KDM6A: variants seen among roughly 807,000 people sequenced by gnomAD.
KDM6A encodes lysine-specific demethylase 6A.
In KDM6A, 11 loss-of-function variants were observed where a neutral mutation model predicts 117.6. That is an observed-to-expected ratio of 0.09 (90% CI 0.06 to 0.15). The LOEUF is 0.15. Among genes scored for constraint, KDM6A ranks in the 10% least tolerant of loss-of-function variants. The pLI is 1.00. For missense variants in KDM6A, 799 were observed against 1,077.3 expected (o/e 0.74, Z 3.62); for synonymous variants, 384 against 396.1 (o/e 0.97, Z 0.36).
chrX:44,881,934 C>T (rs1006574184), intron 2 of KDM6A, among the ~76,000 whole-genome samples: 2 of 110,564 alleles, frequency 1.8e-5, no homozygotes, highest in Non-Finnish European at 3.8e-5. Context: ...TTGATCCCCC[C>T]GCGTCGGCCT....
At chrX:45,099,055 T>C (rs1377110952) in intron 27 of KDM6A, among the ~76,000 whole-genome samples, 1 of 111,681 alleles carries the variant, frequency 9.0e-6, no homozygotes, top group Non-Finnish European at 1.9e-5. Flanking sequence ...TTGCCACATT[T>C]ATTTAGCGGT....
At chrX:45,020,824 A>G (rs2147671309) in intron 6 of KDM6A, 94 bp downstream of exon 6, 2 of 991,807 alleles carry the variant, frequency 2.0e-6, no homozygotes, top group Non-Finnish European at 2.8e-6. Context: ...GAAATGTTGG[A>G]ATTTATATTG....
chrX:44,971,070 T>A (rs1271388275), intron 3 of KDM6A, among the ~76,000 whole-genome samples: 2 of 110,097 alleles, frequency 1.8e-5, no homozygotes, highest in South Asian at 3.9e-4. Context: ...GGATTGAGAG[T>A]GTGGTTAGAA....
chrX:44,978,138 T>G (rs1352554909), intron 4 of KDM6A, among the ~76,000 whole-genome samples: 1 of 112,327 alleles, frequency 8.9e-6, no homozygotes, highest in African/African-American at 3.2e-5. Context: ...CATTCCCAGG[T>G]GTTAGAGAAA....
rs1300298480 is a variant in KDM6A, at chrX:45,111,831, GTCTT to G, written c.*426_*429del. The G allele has an allele frequency of 2.3e-4, 41 of 175,480 alleles. No homozygotes were observed. In the East Asian group the frequency reaches 3.4e-3, roughly 14 times the overall value. The allele number at this position is 175,480 out of a possible 1,213,427, so 14.5% of individuals were successfully genotyped here. On this transcript the variant is annotated 3_prime_UTR_variant, in exon 30 of 30. Transcript: ENST00000611820. ...TTTGTAAGGTAGTTAGCAATTTTAAGTCTTTCTTTGGTCAACTTTTTTTTAATGT... is the reference window on the plus strand; with the variant it reads ...TTTGTAAGGTAGTTAGCAATTTTAAGTCTTTGGTCAACTTTTTTTTAATGT...
intron 6 of KDM6A, among the ~76,000 whole-genome samples, chrX:45,023,885 T>C (rs2042265431): frequency 8.9e-6 from 1 of 111,847 alleles, no homozygotes; most frequent in Non-Finnish European, 1.9e-5. Context: ...AGTGAGAACA[T>C]GTGATGTTTG....
At chrX:44,941,574 G>A (rs1297863575) in intron 2 of KDM6A, among the ~76,000 whole-genome samples, 2 of 106,228 alleles carry the variant, frequency 1.9e-5, no homozygotes, top group South Asian at 4.6e-4. Context: ...TCCGCCTCCC[G>A]GGTTCACACC....
At chrX:45,083,198 G>A (rs1479390649) in intron 23 of KDM6A, among the ~76,000 whole-genome samples, 5 of 110,787 alleles carry the variant, frequency 4.5e-5, no homozygotes, top group Admixed American at 9.6e-5. Flanking sequence ...AAATAGTTAC[G>A]TGAAAATGTA....
intron 27 of KDM6A, among the ~76,000 whole-genome samples, chrX:45,104,689 G>A (rs868796160): frequency 1.8e-5 from 2 of 110,933 alleles, no homozygotes; most frequent in African/African-American, 3.3e-5. Flanking sequence ...TTGAAAAGGC[G>A]AAGGAACAAA....
chrX:45,026,181 C>G (rs2042358305), intron 6 of KDM6A, among the ~76,000 whole-genome samples: 1 of 112,313 alleles, frequency 8.9e-6, no homozygotes, highest in Admixed American at 9.4e-5. Context: ...CAAACTGACA[C>G]TGCAGTTGTT....
At chrX:44,996,854 G>C (rs9781530) in intron 4 of KDM6A, among the ~76,000 whole-genome samples, 24,733 of 111,068 alleles carry the variant, frequency 0.22, 4,571 homozygotes, top group African/African-American at 0.62. Context: ...CATTTATAGG[G>C]TCATATTCTA....
In KDM6A at chrX:45,070,027, A is replaced by G. The variant is rs951647317; in HGVS notation, c.2528A>G (p.Asn843Ser). The change falls in exon 18 of 30, where the codon AAT (asparagine) becomes AGT (serine). Residue 843 changes from asparagine (N) to serine (S), a missense_variant. Physicochemically the swap from Asn to Ser is conservative, Grantham distance 46. Around this residue, in one of 8 missense-constraint regions of KDM6A, gnomAD observed 301 missense variants for 318.3 expected, o/e 0.95. Coordinates refer to ENST00000611820, the MANE Select transcript of KDM6A (RefSeq NM_001291415.2). ...TTGTTGATGGGAAAAGCCAATAACAATGTGGGTACTGGAACCTGTGACAAA... is the reference window on the plus strand; with the variant it reads ...TTGTTGATGGGAAAAGCCAATAACAGTGTGGGTACTGGAACCTGTGACAAA... ...SALLMGKANN[N>S]VGTGTCDKVN... is the part of the protein sequence containing the mutation. 6.6e-6 allele frequency: 8 copies of G among 1,209,865 alleles called. No individual in the cohort carries two copies. Among genetic ancestry groups the G allele is most frequent in the East Asian group, 3.0e-5 (1 of 33,783 alleles).
intron 18 of KDM6A, among the ~76,000 whole-genome samples, chrX:45,071,718 C>T (rs191887541): frequency 1.1e-5 from 1 of 94,920 alleles, no homozygotes; most frequent in Non-Finnish European, 2.2e-5. Flanking sequence ...GTTAAAAATA[C>T]CTTTTGGTCT....
intron 27 of KDM6A, among the ~76,000 whole-genome samples, chrX:45,098,531 G>A (rs1196439720): frequency 8.9e-6 from 1 of 112,816 alleles, no homozygotes; most frequent in Non-Finnish European, 1.9e-5. Flanking sequence ...TGAGTTGGGT[G>A]TAGAGAATGA....
At chrX:45,095,516 G>C (rs896374042) in intron 27 of KDM6A, among the ~76,000 whole-genome samples, 3 of 111,492 alleles carry the variant, frequency 2.7e-5, no homozygotes, top group African/African-American at 9.8e-5. Context: ...TGCAGAAATA[G>C]AGAAGGAGGT....
At chrX:45,055,912 A>G (rs768370522) in intron 10 of KDM6A, among the ~76,000 whole-genome samples, 9 of 111,825 alleles carry the variant, frequency 8.0e-5, no homozygotes, top group Non-Finnish European at 1.3e-4. Context: ...ACGTAAAATT[A>G]TAATGAACCA....
intron 6 of KDM6A, 49 bp downstream of exon 6, chrX:45,020,779 T>G (rs2042143739): frequency 8.6e-7 from 1 of 1,164,728 alleles, no homozygotes; most frequent in Non-Finnish European, 1.2e-6. Flanking sequence ...TTGTGGTTTT[T>G]TTGTTTTTGT....
In KDM6A at chrX:45,112,274, A is replaced by G. The variant is rs186722498; in HGVS notation, c.*863A>G. On this transcript the variant is annotated 3_prime_UTR_variant, in exon 30 of 30. Transcript: ENST00000611820. The stretch of plus-strand genomic sequence containing the variant: ...AAGAGTTTTCTATTGTTTGAGTTTT[A>G]AAAAAGACTTTATGTACAGTGCCCA... 1.9e-4 allele frequency: 27 copies of G among 141,238 alleles called. No individual in the cohort carries two copies. The highest frequency in any genetic ancestry group is 2.9e-4 in the Non-Finnish European group (21 of 71,561). 11.6% of individuals were successfully genotyped at this position (141,238 alleles called of 1,213,427 possible). A position where few individuals can be genotyped will look rare whatever the true frequency, so the allele number is the denominator to read the frequency against.
chrX:45,040,817 G>A (rs2045527708), intron 8 of KDM6A, among the ~76,000 whole-genome samples: 2 of 84,641 alleles, frequency 2.4e-5, no homozygotes, highest in South Asian at 1.3e-3. Context: ...TGGCCGGGCG[G>A]GGGGCTGATC....
Sources: gnomAD v4.1 joint callset for allele counts (sites outside exome capture counted in the v4.1 genomes callset) on GRCh38, gnomAD v4.1.1 for gene constraint, gnomAD v4.1.1 regional missense constraint, MANE v1.5 for transcripts, NCBI Gene and HGNC (gene_info 2026-07-23, HGNC 2026-07-21) for gene names.